Variants in SV2C observed in about 807,000 individuals in gnomAD.
SV2C encodes the protein solute carrier family 22 member B3.
SV2C carries 49 observed loss-of-function variants against 79.7 expected under a neutral mutation model. The ratio of observed to expected loss-of-function variants is 0.61; its 90% confidence interval spans 0.49 to 0.78. The LOEUF is 0.78. Ranked by LOEUF, SV2C falls within the 30% of genes least tolerant of loss-of-function variation. The pLI is 0.00. For missense variants in SV2C, 833 were observed against 912.9 expected (o/e 0.91, Z 1.13); for synonymous variants, 334 against 333.2 (o/e 1.00, Z -0.03).
chr5:76,198,682 C>G (rs1490771139), intron 3 of SV2C, among the ~76,000 whole-genome samples: 2 of 152,138 alleles, frequency 1.3e-5, no homozygotes, highest in Non-Finnish European at 2.9e-5. Context: ...GGCTATTTTA[C>G]TTTTGCTTGC....
At position 76,170,824 on chromosome 5, in the gene SV2C, G is replaced by C. The variant is rs534073217; in HGVS notation, c.581-24095G>C. Reference sequence around the variant, plus strand: ...GGTCGGTGGCTTAGGGAGCCCGTCCGGCCATGGTGGCCGCGGGTGGTGGTT... The same window carrying C: ...GGTCGGTGGCTTAGGGAGCCCGTCCCGCCATGGTGGCCGCGGGTGGTGGTT... On this transcript the variant is annotated intron_variant, in intron 2 of 12. Transcript: ENST00000502798. The C allele has an allele frequency of 5.1e-3, 1,126 of 222,870 alleles. 49 individuals carry two copies. The highest frequency in any genetic ancestry group is 0.025 in the African/African-American group (1,020 of 41,578). The allele number at this position is 222,870 out of a possible 1,614,324, so 13.8% of individuals were successfully genotyped here.
At chr5:76,255,366 C>T (rs538992984) in intron 4 of SV2C, among the ~76,000 whole-genome samples, 2 of 152,312 alleles carry the variant, frequency 1.3e-5, no homozygotes, top group East Asian at 1.9e-4. Context: ...CAGGATCAGC[C>T]GGTCTGGAGA....
chr5:75,991,956 GT>G, the SV2C span, among the ~76,000 whole-genome samples: 2 of 151,416 alleles, frequency 1.3e-5, no homozygotes, highest in Admixed American at 6.6e-5. Context: ...CATTATTTTT[GT>G]TTTGCAATTT....
the SV2C span, among the ~76,000 whole-genome samples, chr5:75,949,354 G>T: frequency 6.6e-6 from 1 of 152,010 alleles, no homozygotes; most frequent in Non-Finnish European, 1.5e-5. Flanking sequence ...TGGGGCTTGG[G>T]CAGAGAAGTG....
the SV2C span, among the ~76,000 whole-genome samples, chr5:76,066,010 TTCA>T: frequency 6.6e-6 from 1 of 152,226 alleles, no homozygotes; most frequent in East Asian, 1.9e-4. Context: ...TTAAACCACT[TTCA>T]GGGTCTATCA....
the SV2C span, among the ~76,000 whole-genome samples, chr5:75,867,385 G>T: frequency 1.5e-3 from 221 of 152,220 alleles, no homozygotes; most frequent in African/African-American, 5.2e-3. Flanking sequence ...GACAGTAGGC[G>T]GACCACGGCT....
At chr5:75,934,352 T>C in the SV2C span, among the ~76,000 whole-genome samples, 1 of 142,448 alleles carries the variant, frequency 7.0e-6, no homozygotes, top group Non-Finnish European at 1.5e-5. Context: ...AATGGCGCGA[T>C]CTCGGCTCCC....
At chr5:76,000,281 C>T in the SV2C span, among the ~76,000 whole-genome samples, 2 of 152,102 alleles carry the variant, frequency 1.3e-5, no homozygotes, top group African/African-American at 4.8e-5. Context: ...TTTTTACCCT[C>T]TCCATGGCAA....
chr5:76,317,243 T>G (rs1748655986), intron 12 of SV2C, among the ~76,000 whole-genome samples: 1 of 152,226 alleles, frequency 6.6e-6, no homozygotes, highest in Non-Finnish European at 1.5e-5. Context: ...AAATTCATTG[T>G]GTATTTCAAA....
At chr5:76,186,690 T>TCAAACAAACAAA (rs58706451) in intron 2 of SV2C, among the ~76,000 whole-genome samples, 14,914 of 151,798 alleles carry the variant, frequency 0.098, 915 homozygotes, top group Non-Finnish European at 0.13. Flanking sequence ...AGACCTTATC[T>TCAAACAAACAAA]CAAACAAACA....
intron 1 of SV2C, among the ~76,000 whole-genome samples, chr5:76,096,865 T>C (rs1747580732): frequency 6.6e-6 from 1 of 152,196 alleles, no homozygotes; most frequent in Non-Finnish European, 1.5e-5. Context: ...GCTGGGACAT[T>C]GATCTTCTAC....
At chr5:76,177,766 T>C (rs574536762) in intron 2 of SV2C, among the ~76,000 whole-genome samples, 2 of 152,148 alleles carry the variant, frequency 1.3e-5, no homozygotes, top group South Asian at 4.2e-4. Context: ...GCTAGGTGAT[T>C]CTTCTGTTCT....
At chr5:76,195,197 TCTC>T (rs1317312339) in intron 3 of SV2C, 98 bp downstream of exon 3, 1 of 1,219,810 alleles carries the variant, frequency 8.2e-7, no homozygotes, top group African/African-American at 1.5e-5. Context: ...CCTTCACACA[TCTC>T]CTTCCATATC....
At chr5:75,901,513 A>G in the SV2C span, among the ~76,000 whole-genome samples, 1 of 152,098 alleles carries the variant, frequency 6.6e-6, no homozygotes, top group African/African-American at 2.4e-5. Flanking sequence ...GTGCCTCCCC[A>G]TTAGGCTGCT....
At chr5:76,172,274 G>C (rs1580326977) in intron 2 of SV2C, among the ~76,000 whole-genome samples, 1 of 107,218 alleles carries the variant, frequency 9.3e-6, no homozygotes, top group Admixed American at 1.0e-4. Context: ...CAGCCGCCCC[G>C]TCCGGGAGGG....
At chr5:76,091,338 C>CCG (rs1262691445) in intron 1 of SV2C, among the ~76,000 whole-genome samples, 2 of 152,216 alleles carry the variant, frequency 1.3e-5, no homozygotes, top group African/African-American at 2.4e-5. Context: ...GTGGCATTCC[C>CCG]CGCCTGCTTC....
chr5:75,965,225 C>G, the SV2C span, among the ~76,000 whole-genome samples: 1 of 152,130 alleles, frequency 6.6e-6, no homozygotes, highest in African/African-American at 2.4e-5. Context: ...TGAGATCAAA[C>G]CAATCACTCT....
intron 2 of SV2C, among the ~76,000 whole-genome samples, chr5:76,163,196 A>C (rs1402759699): frequency 1.3e-5 from 2 of 151,660 alleles, no homozygotes; most frequent in African/African-American, 4.9e-5. Context: ...TCTTTTTCTC[A>C]CACAGATTGA....
At chr5:75,901,802 C>T in the SV2C span, among the ~76,000 whole-genome samples, 2 of 152,258 alleles carry the variant, frequency 1.3e-5, no homozygotes, top group South Asian at 2.1e-4. Flanking sequence ...GCAGGTGCCC[C>T]TCCCCCAGCC....
Sources: gnomAD v4.1 joint callset for allele counts (sites outside exome capture counted in the v4.1 genomes callset) on GRCh38, gnomAD v4.1.1 for gene constraint, MANE v1.5 for transcripts, NCBI Gene and HGNC (gene_info 2026-07-23, HGNC 2026-07-21) for gene names.